The following PLXNA2 variants were observed in gnomAD, a reference collection of about 807,000 sequenced individuals.
The protein encoded by PLXNA2 is plexin A2.
Under a neutral mutation model 193.5 loss-of-function variants are expected in PLXNA2, and 91 were observed. The ratio of observed to expected loss-of-function variants is 0.47; its 90% confidence interval spans 0.40 to 0.56. The LOEUF (loss-of-function observed/expected upper bound fraction) is 0.56. PLXNA2 is among the 20% of genes least tolerant of loss of function. The probability of loss-of-function intolerance (pLI) is 0.00; values close to 1 mark genes in which losing one functional copy is unlikely to be tolerated. For synonymous variants in PLXNA2, 997 were observed against 1,027.3 expected, an observed-to-expected ratio of 0.97 and a Z score of 0.56; for missense variants, 1,995 against 2,503.2, an observed-to-expected ratio of 0.80 and a Z score of 4.33.
chr1:208,118,770 G>A (rs552848338), intron 4 of PLXNA2, among the ~76,000 whole-genome samples: 17 of 152,034 alleles, frequency 1.1e-4, no homozygotes, highest in African/African-American at 3.9e-4. Context: ...TTTAAAAGAG[G>A]TGCTTAGGAT....
intron 3 of PLXNA2, among the ~76,000 whole-genome samples, chr1:208,161,068 C>T (rs549085681): frequency 3.9e-5 from 6 of 152,344 alleles, no homozygotes; most frequent in South Asian, 4.1e-4. Context: ...TGCTCCTAGT[C>T]GCCCAGGTCT....
intron 4 of PLXNA2, among the ~76,000 whole-genome samples, chr1:208,122,958 C>T (rs769998927): frequency 1.2e-4 from 19 of 152,090 alleles, no homozygotes; most frequent in African/African-American, 1.7e-4. Flanking sequence ...AACTAGATTG[C>T]GCAATTCAAT....
Position 208,038,141 on chromosome 1 carries a change from A to G in PLXNA2, c.4764+230T>C, listed in dbSNP as rs56845410. Among the ~76,000 whole-genome samples the G allele has an allele frequency of 0.029, 4,471 of 152,182 alleles. 206 individuals are homozygous for G. The highest frequency in any genetic ancestry group is 0.1 in the African/African-American group (4,291 of 41,502). ...TAGAAATGCCTAGGCCTTACCCCAG[A>G]CCTGTTAAATCTGTTTCTGAGGGTG... On this transcript the variant is annotated intron_variant, in intron 26 of 31. Transcript: ENST00000367033. This position sits in a 1 kb window ranked among gnomAD's most constrained non-coding sequence, Gnocchi z 4.1.
At chr1:208,062,486 C>T (rs765242677) in intron 12 of PLXNA2, among the ~76,000 whole-genome samples, 3 of 152,076 alleles carry the variant, frequency 2.0e-5, no homozygotes, top group Non-Finnish European at 2.9e-5. Flanking sequence ...GCTGCAGAGC[C>T]GGGACTTGAA....
chr1:208,030,543 C>A, intron 29 of PLXNA2: 1 of 985,472 alleles, frequency 1.0e-6, no homozygotes, highest in Non-Finnish European at 1.2e-6. Context: ...TTTCACTCCA[C>A]TGTGATCAAA....
chr1:208,108,022 T>C (rs1667328687), intron 4 of PLXNA2, among the ~76,000 whole-genome samples: 1 of 152,158 alleles, frequency 6.6e-6, no homozygotes, highest in South Asian at 2.1e-4. Flanking sequence ...TGACTCACAC[T>C]GTGTTCTTGG....
At chr1:208,117,977 C>A (rs34000703) in intron 4 of PLXNA2, among the ~76,000 whole-genome samples, 2 of 152,174 alleles carry the variant, frequency 1.3e-5, no homozygotes, top group Admixed American at 6.5e-5. Context: ...TGCAGAGAAG[C>A]TATGCCACCT....
At chr1:208,202,599 G>A (rs1391212040) in intron 3 of PLXNA2, among the ~76,000 whole-genome samples, 1 of 152,138 alleles carries the variant, frequency 6.6e-6, no homozygotes, top group Non-Finnish European at 1.5e-5. Flanking sequence ...AGAGATCCAG[G>A]TCCATGTACA....
At chr1:208,229,038 A>G (rs1228397480) in intron 1 of PLXNA2, among the ~76,000 whole-genome samples, 1 of 152,158 alleles carries the variant, frequency 6.6e-6, no homozygotes. Context: ...ACCGGTCCTG[A>G]GGAGGAGGAG....
Position 208,167,341 on chromosome 1 carries a change from G to C in PLXNA2, c.1372-24878C>G, listed in dbSNP as rs972004201. On this transcript the variant is annotated intron_variant, in intron 3 of 31. Coordinates refer to ENST00000367033, the MANE Select transcript of PLXNA2 (RefSeq NM_025179.4). ...GGCCGCTAATGCATTAATTAACTAA[G>C]TAGTTTTGAATGTACTCCATTGCAC... 2.0e-5 allele frequency among the ~76,000 whole-genome samples: 3 copies of C among 152,202 alleles called. No homozygotes were observed. The East Asian group carries it at 5.8e-4, about 29-fold the overall frequency.
rs999449053 is a variant in PLXNA2 at position 208,042,452 on chromosome 1, G to A, written c.4018-86C>T. The A allele has an allele frequency of 4.2e-6, 6 of 1,434,344 alleles. No homozygotes were observed. The Admixed American group carries it at 5.5e-5, about 13-fold the overall frequency. The allele number at this position is 1,434,344 out of a possible 1,614,324, so 88.9% of individuals were successfully genotyped here. ...AGGGTCTCACTGAGGGCCTGCTGGC[G>A]ATGACACTAGCTGTAGGACCCTATG... is the stretch of plus-strand genomic sequence containing the variant. On this transcript the variant is annotated intron_variant, in intron 21 of 31. Transcript: ENST00000367033.
chr1:208,042,651 GCC>G (rs1664910462), intron 21 of PLXNA2, among the ~76,000 whole-genome samples: 1 of 152,154 alleles, frequency 6.6e-6, no homozygotes, highest in South Asian at 2.1e-4. Context: ...AATAGGAGAT[GCC>G]CCCTCAAACT....
At chr1:208,074,688 C>T (rs1666091306) in intron 12 of PLXNA2, among the ~76,000 whole-genome samples, 6 of 152,332 alleles carry the variant, frequency 3.9e-5, no homozygotes, top group African/African-American at 1.2e-4. Context: ...GAGATCATCT[C>T]ATTTATTTCT....
chr1:208,045,467 A>C (rs895114918), intron 18 of PLXNA2, among the ~76,000 whole-genome samples: 2 of 152,066 alleles, frequency 1.3e-5, no homozygotes, highest in Admixed American at 6.5e-5. Context: ...AACAAGAGAA[A>C]ATTTTGGGGG....
At chr1:208,115,755 A>G (rs973145337) in intron 4 of PLXNA2, among the ~76,000 whole-genome samples, 1 of 152,214 alleles carries the variant, frequency 6.6e-6, no homozygotes, top group African/African-American at 2.4e-5. Context: ...CTCCCAAACT[A>G]TAATGAAATA....
intron 29 of PLXNA2, chr1:208,029,265 T>C: frequency 1.5e-6 from 2 of 1,367,566 alleles, no homozygotes; most frequent in Non-Finnish European, 1.9e-6. Flanking sequence ...GCACTGACCC[T>C]GATCTCTAAC....
intron 4 of PLXNA2, among the ~76,000 whole-genome samples, chr1:208,113,482 C>T (rs930309642): frequency 6.6e-6 from 1 of 151,798 alleles, no homozygotes; most frequent in Non-Finnish European, 1.5e-5. Flanking sequence ...CCTTGCCTTC[C>T]AGTCTCCAAG....
Position 208,244,293 on chromosome 1 carries a change from G to C in PLXNA2, c.-731C>G, listed in dbSNP as rs947410802. 3 of 158,792 alleles carry C rather than the reference G, an allele frequency of 1.9e-5. No individual in the cohort carries two copies. The highest frequency in any genetic ancestry group is 9.8e-5 in the Admixed American group (1 of 10,236). 9.8% of individuals were successfully genotyped at this position (158,792 alleles called of 1,614,324 possible). On this transcript the variant is annotated 5_prime_UTR_variant, in exon 1 of 32. Coordinates refer to ENST00000367033, the MANE Select transcript of PLXNA2 (RefSeq NM_025179.4). ...GGATGCCGCTCCTCCCGGCAGCTCT[G>C]GCTCCCGCGGTGGCGGCGGCGGCGG...
intron 3 of PLXNA2, among the ~76,000 whole-genome samples, chr1:208,145,246 G>C (rs1278708670): frequency 6.6e-6 from 1 of 152,116 alleles, no homozygotes; most frequent in African/African-American, 2.4e-5. Context: ...CCTCTGAAGG[G>C]AAAGTGTCCC....
Sources: allele counts gnomAD v4.1 joint callset (sites outside exome capture counted in the v4.1 genomes callset), GRCh38; gene constraint gnomAD v4.1.1; non-coding constraint Gnocchi (gnomAD v3.1); transcripts MANE v1.5; gene names NCBI Gene and HGNC (gene_info 2026-07-23, HGNC 2026-07-21).